Variants in THSD4 observed in about 807,000 individuals in gnomAD.
THSD4 encodes the protein thrombospondin type-1 domain-containing protein 4.
A neutral mutation model predicts 119.0 loss-of-function variants in THSD4; 69 were observed. The ratio of observed to expected loss-of-function variants is 0.58; its 90% CI spans 0.48 to 0.71. THSD4 has a LOEUF of 0.71. THSD4 is among the 30% of genes least tolerant of loss of function. The probability of loss-of-function intolerance (pLI) is 0.00; values close to 1 mark genes in which losing one functional copy is unlikely to be tolerated. For synonymous variants in THSD4, 524 were observed against 540.4 expected (o/e 0.97, Z 0.42); for missense variants, 1,393 against 1,391.1 (o/e 1.00, Z -0.02).
chr15:71,431,089 A>G (rs543879286), intron 7 of THSD4, among the ~76,000 whole-genome samples: 8 of 152,356 alleles, frequency 5.3e-5, no homozygotes, highest in African/African-American at 1.7e-4. Flanking sequence ...GAGAAAGGCA[A>G]ATGTTTCAAT....
intron 7 of THSD4, among the ~76,000 whole-genome samples, chr15:71,563,586 T>C (rs1287163911): frequency 1.3e-5 from 2 of 150,908 alleles, no homozygotes; most frequent in African/African-American, 4.9e-5. Context: ...TTACCTTTTA[T>C]TATTGATAAA....
intron 7 of THSD4, among the ~76,000 whole-genome samples, chr15:71,450,613 G>A (rs1490465687): frequency 6.6e-6 from 1 of 152,208 alleles, no homozygotes; most frequent in Non-Finnish European, 1.5e-5. Flanking sequence ...ACAAATTGGA[G>A]TCTGTGGAGG....
chr15:71,209,141 C>G (rs2043868868), intron 3 of THSD4, among the ~76,000 whole-genome samples: 1 of 152,204 alleles, frequency 6.6e-6, no homozygotes, highest in Non-Finnish European at 1.5e-5. Flanking sequence ...TGGGTTGGAC[C>G]TGTGTCTTAC....
chr15:71,675,166 C>T (rs925711652), intron 8 of THSD4, among the ~76,000 whole-genome samples: 4 of 152,016 alleles, frequency 2.6e-5, no homozygotes, highest in Non-Finnish European at 5.9e-5. Context: ...TGAGGCAGCC[C>T]CAACAACAGA....
Position 71,714,645 on chromosome 15 carries a change from G to A in THSD4, c.1358-13904G>A, listed in dbSNP as rs1229973069. Among the ~76,000 whole-genome samples, 43 of 152,156 alleles carry A rather than the reference G, an allele frequency of 2.8e-4. 1 individual carries two copies. The highest frequency in any genetic ancestry group is 1.5e-5 in the Non-Finnish European group (1 of 68,010). ...GTGGATCACTTGAGATCAGGAGTTC[G>A]AGACCAGCCTGACCAACATGGTGAA... On this transcript the variant is annotated intron_variant, in intron 8 of 17. Coordinates refer to ENST00000261862, the MANE Select transcript of THSD4 (RefSeq NM_024817.3).
rs1411000471 is a variant in THSD4 at position 71,779,194 on chromosome 15, C to A, written c.*1820C>A. The A allele has an allele frequency of 1.3e-5, 2 of 152,196 alleles. No individual in the cohort carries two copies. The highest frequency in any genetic ancestry group is 2.9e-5 in the Non-Finnish European group (2 of 68,050). The allele number at this position is 152,196 out of a possible 1,614,324, so 9.4% of individuals were successfully genotyped here. A position where few individuals can be genotyped will look rare whatever the true frequency, so the allele number is the denominator to read the frequency against. On this transcript the variant is annotated 3_prime_UTR_variant, in exon 18 of 18. Transcript: ENST00000261862. ...TTCTCTTCTAGGGAGCCCCAGGCAT[C>A]ATTTCCCAAAAGCATCCCCATCTCC...
intron 6 of THSD4, among the ~76,000 whole-genome samples, chr15:71,344,527 C>T (rs2045629412): frequency 6.6e-6 from 1 of 152,164 alleles, no homozygotes. Context: ...AGCATACATG[C>T]AGGGGGCTGG....
chr15:71,513,422 A>G (rs1182673192), intron 7 of THSD4, among the ~76,000 whole-genome samples: 3 of 152,244 alleles, frequency 2.0e-5, no homozygotes, highest in Non-Finnish European at 2.9e-5. Flanking sequence ...CAATAAGACT[A>G]ACAACTTAAT....
intron 4 of THSD4, among the ~76,000 whole-genome samples, chr15:71,239,487 C>G (rs1372022019): frequency 6.6e-6 from 1 of 152,110 alleles, no homozygotes; most frequent in Non-Finnish European, 1.5e-5. Flanking sequence ...GCCTCAGGGT[C>G]CATGTCGTGA....
chr15:71,326,257 G>A (rs115511598), intron 6 of THSD4, among the ~76,000 whole-genome samples: 3,554 of 152,204 alleles, frequency 0.023, 145 homozygotes, highest in African/African-American at 0.082. Context: ...GGGTAGTTGT[G>A]AGGGGTCAAT....
chr15:71,439,860 T>C (rs2047066638), intron 7 of THSD4, among the ~76,000 whole-genome samples: 1 of 152,050 alleles, frequency 6.6e-6, no homozygotes. Flanking sequence ...CTGGGGCCTG[T>C]TGGTGGGTGT....
At chr15:71,553,918 A>T (rs1463682717) in intron 7 of THSD4, among the ~76,000 whole-genome samples, 1 of 152,072 alleles carries the variant, frequency 6.6e-6, no homozygotes. Flanking sequence ...TATTTGATTT[A>T]TAAATATTTT....
At chr15:71,403,853 ATGCTGCTTGCTCTTTTTTATCTCTCAC>A (rs2046571543) in intron 6 of THSD4, among the ~76,000 whole-genome samples, 1 of 152,006 alleles carries the variant, frequency 6.6e-6, no homozygotes, top group African/African-American at 2.4e-5. Flanking sequence ...ACTAATGCTC[ATGCTGCTTGCTCTTTTTTATCTCTCAC>A]TCAGAAATCT....
intron 3 of THSD4, among the ~76,000 whole-genome samples, chr15:71,169,748 A>G (rs2043335727): frequency 1.3e-5 from 2 of 152,210 alleles, no homozygotes; most frequent in African/African-American, 4.8e-5. Flanking sequence ...TCACTCAGAG[A>G]TAGAAAATAA....
chr15:71,459,926 G>A (rs909502928), intron 7 of THSD4, among the ~76,000 whole-genome samples: 20 of 152,040 alleles, frequency 1.3e-4, no homozygotes, highest in Non-Finnish European at 2.4e-4. Flanking sequence ...CACACAGCCC[G>A]GATCTACTTC....
At chr15:71,143,704 T>C (rs370328654) in intron 2 of THSD4, among the ~76,000 whole-genome samples, 2,323 of 140,262 alleles carry the variant, frequency 0.017, 22 homozygotes, top group Middle Eastern at 0.035. Flanking sequence ...TTCTTTCTTT[T>C]TTTTTTTTTT....
intron 6 of THSD4, among the ~76,000 whole-genome samples, chr15:71,339,528 A>T (rs151196925): frequency 2.2e-4 from 33 of 152,222 alleles, no homozygotes; most frequent in African/African-American, 7.5e-4. Flanking sequence ...GCCGTACATT[A>T]TCTATTATCG....
chr15:71,152,039 C>G (rs2040727597), intron 2 of THSD4, among the ~76,000 whole-genome samples: 1 of 152,166 alleles, frequency 6.6e-6, no homozygotes, highest in Non-Finnish European at 1.5e-5. Context: ...TATAATTCAA[C>G]TCTTTTATTC....
chr15:71,350,005 C>T lies in THSD4; in HGVS notation c.1016-61682C>T, dbSNP rs557705838. Among the ~76,000 whole-genome samples the T allele has an allele frequency of 5.3e-5, 8 of 152,008 alleles. No individual in the cohort carries two copies. In the South Asian group the frequency reaches 1.2e-3, roughly 24 times the overall value. On this transcript the variant is annotated intron_variant, in intron 6 of 17. Coordinates refer to ENST00000261862, the MANE Select transcript of THSD4 (RefSeq NM_024817.3). ...TCGGTTTATGGAAGTGCTGACATGCCGTTATTTAAAAAGCATGAGTAGCAT... is the reference window on the plus strand; with the variant it reads ...TCGGTTTATGGAAGTGCTGACATGCTGTTATTTAAAAAGCATGAGTAGCAT...
Sources: allele counts gnomAD v4.1 joint callset (sites outside exome capture counted in the v4.1 genomes callset), GRCh38; gene constraint gnomAD v4.1.1; transcripts MANE v1.5; gene names NCBI Gene and HGNC (gene_info 2026-07-23, HGNC 2026-07-21).